CALN1: variants seen among roughly 807,000 people sequenced by gnomAD.
CALN1 encodes calcium-binding protein 8.
In CALN1, 17 loss-of-function variants were observed where a neutral mutation model predicts 30.6. That is an observed-to-expected ratio of 0.56 (90% confidence interval 0.38 to 0.83). CALN1 has a LOEUF of 0.83. CALN1 is among the 40% of genes least tolerant of loss of function. The probability of loss-of-function intolerance (pLI) is 0.00; values close to 1 mark genes in which losing one functional copy is unlikely to be tolerated. For synonymous variants in CALN1, 156 were observed against 131.4 expected, an observed-to-expected ratio of 1.19 and a Z score of -1.28; for missense variants, 291 against 354.9, an observed-to-expected ratio of 0.82 and a Z score of 1.45.
chr7:72,104,126 C>G (rs1185227918), intron 4 of CALN1: 1 of 153,446 alleles, frequency 6.5e-6, no homozygotes, highest in East Asian at 1.9e-4. Flanking sequence ...CAATGAATGG[C>G]CTGGAGACAC....
chr7:72,294,429 C>T lies in CALN1; in HGVS notation c.120-15619G>A, dbSNP rs533352805. On this transcript the variant is annotated intron_variant, in intron 2 of 6. Coordinates refer to ENST00000395275, the MANE Select transcript of CALN1 (RefSeq NM_031468.4). ...TAAACTTCTATGTACCATATCATAGCACTGTAAAGTAAAAATAATTTAAAT... is the reference window on the plus strand; with the variant it reads ...TAAACTTCTATGTACCATATCATAGTACTGTAAAGTAAAAATAATTTAAAT... 5.3e-5 allele frequency among the ~76,000 whole-genome samples: 8 copies of T among 152,180 alleles called. 1 individual carries two copies. The East Asian group carries it at 1.5e-3, about 29-fold the overall frequency.
chr7:71,975,515 C>T (rs1317330666), intron 5 of CALN1, among the ~76,000 whole-genome samples: 1 of 152,146 alleles, frequency 6.6e-6, no homozygotes, highest in African/African-American at 2.4e-5. Flanking sequence ...CAGCCTCCAA[C>T]TCCTGGGCTC....
intron 4 of CALN1, among the ~76,000 whole-genome samples, chr7:72,069,785 C>CT (rs1278639243): frequency 1.3e-5 from 2 of 152,170 alleles, no homozygotes; most frequent in Non-Finnish European, 2.9e-5. Flanking sequence ...TACCATACCC[C>CT]TACCCAATCT....
chr7:72,408,647 A>G (rs1806874843), intron 1 of CALN1, among the ~76,000 whole-genome samples: 1 of 149,186 alleles, frequency 6.7e-6, no homozygotes, highest in Non-Finnish European at 1.5e-5. Flanking sequence ...GAAAAGACAT[A>G]CAAATGACCA....
intron 5 of CALN1, among the ~76,000 whole-genome samples, chr7:71,909,317 T>C (rs543314164): frequency 1.3e-5 from 2 of 152,312 alleles, no homozygotes; most frequent in African/African-American, 4.8e-5. Flanking sequence ...GAGTTTCTCA[T>C]TGCGGCAAGC....
intron 5 of CALN1, among the ~76,000 whole-genome samples, chr7:71,822,730 T>G (rs998390768): frequency 3.3e-5 from 5 of 152,212 alleles, no homozygotes; most frequent in African/African-American, 1.2e-4. Context: ...TGTAATAAGA[T>G]TAATAGACCT....
rs6460714 is a variant in CALN1 at position 72,321,915 on chromosome 7, C to T, written c.120-43105G>A. Among the ~76,000 whole-genome samples the T allele has an allele frequency of 4.6e-3, 707 of 152,270 alleles. 6 individuals are homozygous for T. Among genetic ancestry groups the T allele is most frequent in the African/African-American group, 0.016 (645 of 41,554 alleles). On this transcript the variant is annotated intron_variant, in intron 2 of 6. Coordinates refer to ENST00000395275, the MANE Select transcript of CALN1 (RefSeq NM_031468.4). ...CCCTGGGTCCCAGCTTCCTCCACCA[C>T]AAAACACAGTGGTTTAGACCAGCTG...
chr7:72,255,778 T>C (rs1795867816), intron 3 of CALN1, among the ~76,000 whole-genome samples: 1 of 150,716 alleles, frequency 6.6e-6, no homozygotes. Flanking sequence ...TCGCCCAGGC[T>C]GGAGTGCAGT....
At chr7:72,046,709 T>TA (rs59664699) in intron 4 of CALN1, among the ~76,000 whole-genome samples, 1,478 of 51,780 alleles carry the variant, frequency 0.029, 72 homozygotes, top group African/African-American at 0.053. Context: ...GACTCCCTCT[T>TA]AAAAAAAAAA....
intron 3 of CALN1, among the ~76,000 whole-genome samples, chr7:72,199,060 AGGT>A (rs1156949453): frequency 4.6e-5 from 7 of 152,208 alleles, no homozygotes; most frequent in Non-Finnish European, 4.4e-5. Flanking sequence ...AGATCACTTG[AGGT>A]CAGCAGTTCG....
At chr7:72,200,323 A>T (rs1791331609) in intron 3 of CALN1, among the ~76,000 whole-genome samples, 1 of 152,102 alleles carries the variant, frequency 6.6e-6, no homozygotes, top group Non-Finnish European at 1.5e-5. Flanking sequence ...TAACCTCTCC[A>T]AGCCTCCTTC....
intron 4 of CALN1, among the ~76,000 whole-genome samples, chr7:72,059,336 A>C (rs1803488793): frequency 6.6e-6 from 1 of 152,200 alleles, no homozygotes; most frequent in African/African-American, 2.4e-5. Flanking sequence ...TCAAATGACA[A>C]CAGTAGGGAT....
chr7:71,906,135 G>A (rs1223891385), intron 5 of CALN1, among the ~76,000 whole-genome samples: 1 of 152,170 alleles, frequency 6.6e-6, no homozygotes, highest in Non-Finnish European at 1.5e-5. Flanking sequence ...TTTGGGTAGG[G>A]ACACAAGCCT....
At chr7:72,081,553 G>T (rs1259377770) in intron 4 of CALN1, among the ~76,000 whole-genome samples, 1 of 152,048 alleles carries the variant, frequency 6.6e-6, no homozygotes, top group African/African-American at 2.4e-5. Flanking sequence ...CTCCTGAGTA[G>T]CTGGGACTAC....
chr7:71,946,852 T>A (rs1796431347), intron 5 of CALN1, among the ~76,000 whole-genome samples: 2 of 151,250 alleles, frequency 1.3e-5, no homozygotes, highest in Admixed American at 1.3e-4. Context: ...ACTGCTGTTT[T>A]TCAGTCACCT....
At chr7:72,406,875 C>CAA (rs1471179396) in intron 1 of CALN1, among the ~76,000 whole-genome samples, 1 of 152,142 alleles carries the variant, frequency 6.6e-6, no homozygotes, top group African/African-American at 2.4e-5. Context: ...CTCAGCCTCC[C>CAA]AAAGTGCTGG....
In CALN1 at chr7:72,117,130, T is replaced by C. The variant is rs181217911; in HGVS notation, c.245-10836A>G. On this transcript the variant is annotated intron_variant, in intron 3 of 6. Transcript: ENST00000395275. ...GAATTCAAGACTAACCTGGGCAACA[T>C]AGTGAGACCCCATCTCTACAAAAAA... 1.8e-3 allele frequency among the ~76,000 whole-genome samples: 274 copies of C among 152,140 alleles called. 1 individual carries two copies. The highest frequency in any genetic ancestry group is 3.4e-3 in the Middle Eastern group (1 of 292).
At chr7:71,792,969 C>A (rs1328805672) in intron 6 of CALN1, among the ~76,000 whole-genome samples, 2 of 151,924 alleles carry the variant, frequency 1.3e-5, no homozygotes, top group Non-Finnish European at 2.9e-5. Context: ...GAGATAAGGA[C>A]TGAGCAATCG....
Position 72,324,105 on chromosome 7 carries a change from G to A in CALN1, c.120-45295C>T, listed in dbSNP as rs559324968. On this transcript the variant is annotated intron_variant, in intron 2 of 6. Coordinates refer to ENST00000395275, the MANE Select transcript of CALN1 (RefSeq NM_031468.4). ...CACATCCCTTGGAGAAATGGTGTCC[G>A]AGTGCCCTGGTTCGCAAAGTTGGCT... is the stretch of plus-strand genomic sequence containing the variant. Among the ~76,000 whole-genome samples the A allele has an allele frequency of 3.3e-5, 5 of 152,098 alleles. No individual in the cohort carries two copies. The South Asian group carries it at 6.2e-4, about 19-fold the overall frequency.
Sources: allele counts gnomAD v4.1 joint callset (sites outside exome capture counted in the v4.1 genomes callset), GRCh38; gene constraint gnomAD v4.1.1; transcripts MANE v1.5; gene names NCBI Gene and HGNC (gene_info 2026-07-23, HGNC 2026-07-21).